Variants in PAPPA observed in about 807,000 individuals in gnomAD.
PAPPA encodes the protein pappalysin-1.
Under a neutral mutation model 164.0 loss-of-function variants are expected in PAPPA, and 60 were observed. That is an observed-to-expected ratio of 0.37 (90% CI 0.30 to 0.45). The LOEUF (loss-of-function observed/expected upper bound fraction) is 0.45. Ranked by LOEUF, PAPPA falls within the 20% of genes least tolerant of loss-of-function variation. The pLI, the probability that PAPPA is intolerant of heterozygous loss-of-function variation, is 1.00. For synonymous variants in PAPPA, 875 were observed against 814.1 expected, an observed-to-expected ratio of 1.07 and a Z score of -1.27; for missense variants, 1,782 against 2,087.3, an observed-to-expected ratio of 0.85 and a Z score of 2.85.
At chr9:116,217,549 A>G (rs1844389728) in intron 4 of PAPPA, among the ~76,000 whole-genome samples, 1 of 152,066 alleles carries the variant, frequency 6.6e-6, no homozygotes. Flanking sequence ...TGAATCCATA[A>G]ATTCCTTATT....
chr9:116,285,327 A>G (rs571431474), intron 9 of PAPPA, among the ~76,000 whole-genome samples: 2 of 147,866 alleles, frequency 1.4e-5, no homozygotes, highest in African/African-American at 5.0e-5. Context: ...ATACCACCAC[A>G]CCCAGCTAAT....
rs1844655023 is a variant in PAPPA at position 116,235,608 on chromosome 9, C to T, written c.2703C>T (p.Ile901=). 3 of 1,613,182 alleles carry T rather than the reference C, an allele frequency of 1.9e-6. No individual in the cohort carries two copies. Among genetic ancestry groups the T allele is most frequent in the East Asian group, 4.5e-5 (2 of 44,890 alleles). The change falls in exon 7 of 22, where the codon ATC becomes ATT. Residue 901 remains isoleucine, a synonymous_variant. Coordinates refer to ENST00000328252, the MANE Select transcript of PAPPA (RefSeq NM_002581.5). The part of the protein sequence containing the change: ...DPPLQMDVAS[I]LHLNRKFVDM... ...CTCTCCAGATGGATGTGGCCTCCAT[C>T]CTACATCTCAATAGGAAATTCGTAG...
intron 7 of PAPPA, 144 bp downstream of exon 7, chr9:116,235,781 T>A: frequency 1.2e-6 from 1 of 822,896 alleles, no homozygotes; most frequent in East Asian, 2.4e-5. Context: ...TGGGTGTAGA[T>A]TTGTCTTAAC....
intron 7 of PAPPA, among the ~76,000 whole-genome samples, chr9:116,245,888 C>T (rs1844791435): frequency 2.6e-5 from 4 of 152,166 alleles, no homozygotes; most frequent in Admixed American, 2.6e-4. Context: ...CGCAAAGTAA[C>T]AGAATCTTTT....
intron 2 of PAPPA, among the ~76,000 whole-genome samples, chr9:116,205,033 A>G (rs754985974): frequency 2.6e-5 from 4 of 151,596 alleles, no homozygotes; most frequent in Non-Finnish European, 4.4e-5. Context: ...CTCGGGCAGC[A>G]AAAGGAAAAC....
intron 15 of PAPPA, among the ~76,000 whole-genome samples, chr9:116,350,949 G>T (rs1386435110): frequency 2.6e-5 from 4 of 152,188 alleles, no homozygotes; most frequent in African/African-American, 9.7e-5. Context: ...ACACCAATCT[G>T]CCTTGTGCTA....
intron 10 of PAPPA, among the ~76,000 whole-genome samples, chr9:116,312,518 C>T (rs540569009): frequency 2.0e-5 from 3 of 152,238 alleles, no homozygotes; most frequent in East Asian, 3.9e-4. Context: ...AAACCACATA[C>T]TCATTTCTCT....
chr9:116,183,406 A>G (rs1376518719), intron 1 of PAPPA, among the ~76,000 whole-genome samples: 1 of 152,152 alleles, frequency 6.6e-6, no homozygotes, highest in Admixed American at 6.5e-5. Flanking sequence ...TTTACAGAGA[A>G]GGGAAATTAG....
intron 15 of PAPPA, 54 bp from the exon 16 acceptor site, chr9:116,352,652 C>A: frequency 7.1e-7 from 1 of 1,401,394 alleles, no homozygotes; most frequent in Non-Finnish European, 1.0e-6. Flanking sequence ...TATACATTAG[C>A]TTGGCTATCA....
At chr9:116,260,647 C>G (rs1844990464) in intron 7 of PAPPA, among the ~76,000 whole-genome samples, 1 of 152,046 alleles carries the variant, frequency 6.6e-6, no homozygotes, top group Non-Finnish European at 1.5e-5. Flanking sequence ...TGGAAAAGCT[C>G]AAGACATAAG....
rs1181731008 is a variant in PAPPA at position 116,382,327 on chromosome 9, G to A, written c.4678-68G>A. The A allele has an allele frequency of 6.3e-6, 6 of 949,146 alleles. No homozygotes were observed. The East Asian group carries it at 9.6e-5, about 15-fold the overall frequency. 58.8% of individuals were successfully genotyped at this position (949,146 alleles called of 1,614,324 possible). ...GATGACAGACACCCGAAGGACTGCA[G>A]ACGTCAGCTCCCACTCACTCCAGGA... On this transcript the variant is annotated intron_variant, in intron 20 of 21. Coordinates refer to ENST00000328252, the MANE Select transcript of PAPPA (RefSeq NM_002581.5).
At chr9:116,326,843 T>G (rs1845926454) in intron 10 of PAPPA, among the ~76,000 whole-genome samples, 1 of 152,240 alleles carries the variant, frequency 6.6e-6, no homozygotes, top group African/African-American at 2.4e-5. Context: ...CAGTATTTGT[T>G]TTCCATGTCT....
In PAPPA at chr9:116,254,706, T is replaced by C. The variant is rs957144168; in HGVS notation, c.2733-11151T>C. Among the ~76,000 whole-genome samples the C allele has an allele frequency of 2.5e-3, 351 of 141,150 alleles. 5 individuals carry two copies. Among genetic ancestry groups the C allele is most frequent in the East Asian group, 0.023 (104 of 4,548 alleles). 92.6% of individuals were successfully genotyped at this position (141,150 alleles called of 152,430 possible). ...CTGAGGCAGGAGAATGGCGTGAACCTGGGAGGCGGAGCTTGCAGTGAGCCA... is the reference window on the plus strand; with the variant it reads ...CTGAGGCAGGAGAATGGCGTGAACCCGGGAGGCGGAGCTTGCAGTGAGCCA... On this transcript the variant is annotated intron_variant, in intron 7 of 21. Transcript: ENST00000328252.
intron 21 of PAPPA, among the ~76,000 whole-genome samples, chr9:116,390,863 AACCATCACC>A (rs1429945902): frequency 2.0e-5 from 3 of 152,050 alleles, no homozygotes; most frequent in Admixed American, 1.3e-4. Context: ...TCACTGTCAA[AACCATCACC>A]ACCATCACCA....
intron 2 of PAPPA, among the ~76,000 whole-genome samples, chr9:116,199,177 A>ACCCACTACCTGGT (rs1440968594): frequency 2.0e-5 from 3 of 152,020 alleles, no homozygotes; most frequent in Non-Finnish European, 4.4e-5. Context: ...TCTCCACCCC[A>ACCCACTACCTGGT]CCCATTACCT....
intron 10 of PAPPA, among the ~76,000 whole-genome samples, chr9:116,312,144 C>A (rs1034185051): frequency 2.6e-5 from 4 of 152,152 alleles, no homozygotes; most frequent in Non-Finnish European, 4.4e-5. Flanking sequence ...CCAAACCTGG[C>A]CTACCCCTAT....
chr9:116,212,015 G>A, intron 4 of PAPPA, 83 bp downstream of exon 4: 1 of 1,209,650 alleles, frequency 8.3e-7, no homozygotes. Flanking sequence ...CCTTGAACAA[G>A]CTACTTACCA....
chr9:116,166,512 C>T (rs1843721400), intron 1 of PAPPA, among the ~76,000 whole-genome samples: 1 of 152,180 alleles, frequency 6.6e-6, no homozygotes, highest in Admixed American at 6.5e-5. Flanking sequence ...TTTCTATCTG[C>T]TTTCCTTGAT....
At position 116,334,973 on chromosome 9, in the gene PAPPA, G is replaced by C; in HGVS notation, c.3510G>C (p.Leu1170=). 4 of 1,613,940 alleles carry C rather than the reference G, an allele frequency of 2.5e-6. No individual in the cohort carries two copies. Among genetic ancestry groups the C allele is most frequent in the Non-Finnish European group, 3.4e-6 (4 of 1,179,990 alleles). The change falls in exon 13 of 22, where the codon CTG becomes CTC. Residue 1170 remains leucine, a synonymous_variant. Transcript: ENST00000328252. ...QAVRVSFSSP[L]VAISGVALRS... ...TACGTGTGAGCTTCAGTTCGCCCCT[G>C]GTCGCCATCTCGGGGGTGGCCCTCC...
Sources: allele counts gnomAD v4.1 joint callset (sites outside exome capture counted in the v4.1 genomes callset), GRCh38; gene constraint gnomAD v4.1.1; transcripts MANE v1.5; gene names NCBI Gene and HGNC (gene_info 2026-07-23, HGNC 2026-07-21).